The following DACH1 variants were observed in gnomAD, a reference collection of about 807,000 sequenced individuals.
The protein encoded by DACH1 is dachshund family transcription factor 1, also known as dachshund homolog 1.
Under a neutral mutation model 54.2 loss-of-function variants are expected in DACH1, and 12 were observed. The ratio of observed to expected loss-of-function variants is 0.22; its 90% CI spans 0.14 to 0.36. The LOEUF is 0.36. Ranked by LOEUF, DACH1 falls within the 10% of genes least tolerant of loss-of-function variation. The pLI, the probability that DACH1 is intolerant of heterozygous loss-of-function variation, is 1.00. For missense variants in DACH1, 805 were observed against 929.8 expected (o/e 0.87, Z 1.75); for synonymous variants, 386 against 366.2 (o/e 1.05, Z -0.62).
intron 1 of DACH1, among the ~76,000 whole-genome samples, chr13:71,808,455 G>A (rs1158326233): frequency 6.6e-6 from 1 of 152,024 alleles, no homozygotes. Context: ...CTAGTAGTTT[G>A]CAAAGAATTT....
chr13:71,804,639 C>T (rs143390662), intron 1 of DACH1, among the ~76,000 whole-genome samples: 2 of 152,266 alleles, frequency 1.3e-5, no homozygotes, highest in East Asian at 3.9e-4. Context: ...CTTGCCAAAG[C>T]GCTGCATTTG....
chr13:71,692,151 C>T (rs1881513690), intron 1 of DACH1, among the ~76,000 whole-genome samples: 1 of 151,850 alleles, frequency 6.6e-6, no homozygotes, highest in Admixed American at 6.6e-5. Context: ...GAAAACACTT[C>T]ATAAAGTATT....
chr13:71,761,216 G>A (rs879494592), intron 1 of DACH1, among the ~76,000 whole-genome samples: 2 of 151,982 alleles, frequency 1.3e-5, no homozygotes, highest in East Asian at 1.9e-4. Flanking sequence ...TCAGGAAATC[G>A]TTTTTCTTAA....
chr13:71,682,814 C>T (rs1485664438), intron 1 of DACH1, among the ~76,000 whole-genome samples: 1 of 152,056 alleles, frequency 6.6e-6, no homozygotes, highest in Non-Finnish European at 1.5e-5. Flanking sequence ...GAGGTAGAGA[C>T]AGCTATTGGC....
At chr13:71,788,779 A>AC (rs1357588103) in intron 1 of DACH1, among the ~76,000 whole-genome samples, 2 of 152,014 alleles carry the variant, frequency 1.3e-5, no homozygotes, top group Admixed American at 6.6e-5. Context: ...ATAATTGGAA[A>AC]AAATGCATAC....
intron 6 of DACH1, among the ~76,000 whole-genome samples, chr13:71,547,823 C>T (rs1883556061): frequency 6.6e-6 from 1 of 152,064 alleles, no homozygotes; most frequent in African/African-American, 2.4e-5. Context: ...CTAAGCTTGG[C>T]TATTATTTAC....
chr13:71,644,396 G>T (rs927091470), intron 2 of DACH1, among the ~76,000 whole-genome samples: 1 of 152,142 alleles, frequency 6.6e-6, no homozygotes, highest in Non-Finnish European at 1.5e-5. Context: ...AACGAACTGA[G>T]TTCTTCTCAA....
intron 3 of DACH1, among the ~76,000 whole-genome samples, chr13:71,616,029 A>G (rs1206144441): frequency 6.6e-6 from 1 of 152,198 alleles, no homozygotes; most frequent in African/African-American, 2.4e-5. Context: ...AGGCTAAGTA[A>G]GAAGGCAAAA....
chr13:71,624,333 A>G lies in DACH1; in HGVS notation c.1126+6223T>C, dbSNP rs75079061. Among the ~76,000 whole-genome samples, 341 of 152,060 alleles carry G rather than the reference A, an allele frequency of 2.2e-3. 1 individual carries two copies. Among genetic ancestry groups the G allele is most frequent in the African/African-American group, 7.8e-3 (326 of 41,538 alleles). ...AATATCCACTAATGGGACATTTGTG[A>G]AAAGATTTATATTTGAACATACTTT... On this transcript the variant is annotated intron_variant, in intron 3 of 10. Transcript: ENST00000613252.
intron 1 of DACH1, among the ~76,000 whole-genome samples, chr13:71,802,815 A>C (rs925440018): frequency 6.6e-6 from 1 of 152,120 alleles, no homozygotes; most frequent in Non-Finnish European, 1.5e-5. Context: ...ATATGCTAAA[A>C]GTTTGGTTGT....
chr13:71,723,617 G>A (rs1883333680), intron 1 of DACH1, among the ~76,000 whole-genome samples: 1 of 152,104 alleles, frequency 6.6e-6, no homozygotes, highest in Non-Finnish European at 1.5e-5. Flanking sequence ...AAAAATTTAT[G>A]TTCTAATCCC....
intron 1 of DACH1, among the ~76,000 whole-genome samples, chr13:71,808,652 A>G (rs1887600889): frequency 6.6e-6 from 1 of 152,194 alleles, no homozygotes. Context: ...TTGATGTTTT[A>G]AAGCAGTTTG....
chr13:71,719,822 G>A (rs536313583), intron 1 of DACH1, among the ~76,000 whole-genome samples: 7 of 152,108 alleles, frequency 4.6e-5, no homozygotes, highest in East Asian at 1.9e-4. Context: ...CTGTGATCAC[G>A]CCACTGCACT....
At chr13:71,513,472 G>A (rs1593815401) in intron 6 of DACH1, among the ~76,000 whole-genome samples, 2 of 151,966 alleles carry the variant, frequency 1.3e-5, no homozygotes, top group Admixed American at 1.3e-4. Context: ...GTAGAAGCAA[G>A]GCAAACATTC....
At chr13:71,501,237 TG>T (rs1400002168) in intron 6 of DACH1, among the ~76,000 whole-genome samples, 1 of 152,192 alleles carries the variant, frequency 6.6e-6, no homozygotes, top group Non-Finnish European at 1.5e-5. Flanking sequence ...AACACGAGGC[TG>T]CAGACACTCA....
At chr13:71,732,067 C>T (rs1382483951) in intron 1 of DACH1, among the ~76,000 whole-genome samples, 1 of 152,146 alleles carries the variant, frequency 6.6e-6, no homozygotes, top group African/African-American at 2.4e-5. Context: ...TATATTTGAT[C>T]TATCATTCCA....
At chr13:71,669,009 A>T in intron 2 of DACH1, among the ~76,000 whole-genome samples, 1 of 152,204 alleles carries the variant, frequency 6.6e-6, no homozygotes, top group East Asian at 1.9e-4. Flanking sequence ...CCCAGAACTG[A>T]TATATTCAAA....
chr13:71,445,242 A>T (rs1874346986), intron 10 of DACH1, among the ~76,000 whole-genome samples: 2 of 152,226 alleles, frequency 1.3e-5, no homozygotes, highest in African/African-American at 2.4e-5. Context: ...TTAGCATGTT[A>T]GAAATGTTAA....
At chr13:71,711,324 G>A (rs1882714820) in intron 1 of DACH1, among the ~76,000 whole-genome samples, 1 of 152,106 alleles carries the variant, frequency 6.6e-6, no homozygotes, top group Admixed American at 6.6e-5. Context: ...CATTAGAATA[G>A]GTTATCAGGG....
Sources: allele counts gnomAD v4.1 joint callset (sites outside exome capture counted in the v4.1 genomes callset), GRCh38; gene constraint gnomAD v4.1.1; transcripts MANE v1.5; gene names NCBI Gene and HGNC (gene_info 2026-07-23, HGNC 2026-07-21).